The following CADPS2 variants were observed in gnomAD, a reference collection of about 807,000 sequenced individuals.
CADPS2 encodes the protein calcium-dependent secretion activator 2.
In CADPS2, 93 loss-of-function variants were observed where a neutral mutation model predicts 172.5. The ratio of observed to expected loss-of-function variants is 0.54; its 90% CI spans 0.46 to 0.64. CADPS2 has a LOEUF of 0.64. CADPS2 is among the 30% of genes least tolerant of loss of function. The pLI is 0.00. For synonymous variants in CADPS2, 546 were observed against 555.2 expected (o/e 0.98, Z 0.23); for missense variants, 1,420 against 1,565.9 (o/e 0.91, Z 1.57).
At chr7:122,687,279 G>A (rs1175240744) in intron 2 of CADPS2, among the ~76,000 whole-genome samples, 1 of 152,150 alleles carries the variant, frequency 6.6e-6, no homozygotes, top group African/African-American at 2.4e-5. Flanking sequence ...GATCACGTAA[G>A]GTATCATTCA....
chr7:122,819,668 C>CTATA (rs1802552059), intron 1 of CADPS2, among the ~76,000 whole-genome samples: 1 of 151,562 alleles, frequency 6.6e-6, no homozygotes, highest in Non-Finnish European at 1.5e-5. Flanking sequence ...CCCCACCTGC[C>CTATA]CAGTTCCCTT....
intron 2 of CADPS2, among the ~76,000 whole-genome samples, chr7:122,671,759 G>A (rs1241950298): frequency 1.3e-5 from 2 of 152,158 alleles, no homozygotes; most frequent in Admixed American, 6.5e-5. Context: ...TGGAAAACAC[G>A]AAAGAAGGAA....
At chr7:122,708,200 C>G (rs1419225859) in intron 2 of CADPS2, among the ~76,000 whole-genome samples, 1 of 151,620 alleles carries the variant, frequency 6.6e-6, no homozygotes, top group Non-Finnish European at 1.5e-5. Context: ...AAATCTTATT[C>G]TCATCTTTTT....
intron 20 of CADPS2, among the ~76,000 whole-genome samples, chr7:122,396,318 C>G (rs949685509): frequency 6.6e-6 from 1 of 152,060 alleles, no homozygotes. Context: ...AGTAAGTTAC[C>G]GTGCTCTCTT....
At chr7:122,328,806 G>A (rs571678240) in intron 28 of CADPS2, among the ~76,000 whole-genome samples, 1 of 152,184 alleles carries the variant, frequency 6.6e-6, no homozygotes, top group South Asian at 2.1e-4. Flanking sequence ...CTGTAGACTG[G>A]TAAATCATAT....
chr7:122,812,803 T>C (rs1007528846), intron 1 of CADPS2, among the ~76,000 whole-genome samples: 3 of 152,150 alleles, frequency 2.0e-5, no homozygotes, highest in Non-Finnish European at 4.4e-5. Flanking sequence ...GCAGACCAGA[T>C]GCTAAAGATA....
chr7:122,820,705 G>A lies in CADPS2; in HGVS notation c.339+65294C>T, dbSNP rs1372937544. On this transcript the variant is annotated intron_variant, in intron 1 of 29. Transcript: ENST00000449022. Reference sequence around the variant, plus strand: ...CTCCCGAGTAGCTGGGACTACAGGCGCCCGCTACCACGCCCGGCTAATTTT... The same window carrying A: ...CTCCCGAGTAGCTGGGACTACAGGCACCCGCTACCACGCCCGGCTAATTTT... Among the ~76,000 whole-genome samples, 7 of 133,342 alleles carry A rather than the reference G, an allele frequency of 5.2e-5. 1 individual carries two copies. Among genetic ancestry groups the A allele is most frequent in the Non-Finnish European group, 8.0e-5 (5 of 62,694 alleles). 87.5% of individuals were successfully genotyped at this position (133,342 alleles called of 152,430 possible).
intron 27 of CADPS2, among the ~76,000 whole-genome samples, chr7:122,346,986 G>A (rs1210146823): frequency 2.0e-5 from 3 of 152,132 alleles, no homozygotes; most frequent in African/African-American, 7.2e-5. Flanking sequence ...AGGTAGATCT[G>A]CTACCAATTT....
chr7:122,451,967 T>C (rs1161237268), intron 14 of CADPS2, among the ~76,000 whole-genome samples: 3 of 152,232 alleles, frequency 2.0e-5, no homozygotes, highest in Non-Finnish European at 4.4e-5. Context: ...TGACCTCTTT[T>C]TGTTTGCTTA....
chr7:122,570,062 C>A (rs1261637488), intron 7 of CADPS2, among the ~76,000 whole-genome samples: 1 of 150,192 alleles, frequency 6.7e-6, no homozygotes, highest in Non-Finnish European at 1.5e-5. Flanking sequence ...AGCTTCTGCA[C>A]AACAAAAGAA....
chr7:122,334,556 A>G (rs2035547225), intron 28 of CADPS2, among the ~76,000 whole-genome samples: 1 of 152,206 alleles, frequency 6.6e-6, no homozygotes, highest in Admixed American at 6.5e-5. Flanking sequence ...CTTTTGAGCT[A>G]AGAACCCAGG....
chr7:122,691,419 C>T (rs1158144528), intron 2 of CADPS2, among the ~76,000 whole-genome samples: 1 of 152,198 alleles, frequency 6.6e-6, no homozygotes, highest in African/African-American at 2.4e-5. Context: ...CTAGCCAACA[C>T]TATTTGTGGT....
At chr7:122,730,846 A>G (rs2091568384) in intron 2 of CADPS2, among the ~76,000 whole-genome samples, 1 of 151,704 alleles carries the variant, frequency 6.6e-6, no homozygotes, top group African/African-American at 2.4e-5. Flanking sequence ...TACTTCTATT[A>G]AAAAGTGTTC....
chr7:122,512,484 G>A, intron 9 of CADPS2, among the ~76,000 whole-genome samples: 1 of 152,020 alleles, frequency 6.6e-6, no homozygotes, highest in East Asian at 1.9e-4. Flanking sequence ...AACTTAATTA[G>A]TATGTTCTAT....
chr7:122,474,323 T>A, intron 13 of CADPS2, 58 bp downstream of exon 13: 1 of 1,524,994 alleles, frequency 6.6e-7, no homozygotes. Flanking sequence ...TTCCAACTTA[T>A]AGGGGATCTA....
chr7:122,656,447 C>T (rs1458246461), intron 3 of CADPS2, among the ~76,000 whole-genome samples: 1 of 152,040 alleles, frequency 6.6e-6, no homozygotes, highest in African/African-American at 2.4e-5. Flanking sequence ...ACAGAGAGAA[C>T]AGGAGACAGG....
intron 20 of CADPS2, among the ~76,000 whole-genome samples, chr7:122,397,899 T>G (rs1276964912): frequency 6.6e-6 from 1 of 152,068 alleles, no homozygotes; most frequent in Non-Finnish European, 1.5e-5. Flanking sequence ...TCTCAAAAAG[T>G]GATTACCGCC....
At chr7:122,519,706 C>T (rs191265489) in intron 8 of CADPS2, among the ~76,000 whole-genome samples, 3 of 151,944 alleles carry the variant, frequency 2.0e-5, no homozygotes, top group East Asian at 1.9e-4. Flanking sequence ...ATCCTTAGGT[C>T]ACACTGTATC....
intron 17 of CADPS2, among the ~76,000 whole-genome samples, chr7:122,436,806 A>G (rs565843230): frequency 6.6e-6 from 1 of 152,228 alleles, no homozygotes; most frequent in African/African-American, 2.4e-5. Context: ...TATGTGTACA[A>G]TAAAAAGGTT....
Sources: allele counts gnomAD v4.1 joint callset (sites outside exome capture counted in the v4.1 genomes callset), GRCh38; gene constraint gnomAD v4.1.1; transcripts MANE v1.5; gene names NCBI Gene and HGNC (gene_info 2026-07-23, HGNC 2026-07-21).